Variants in DMD observed in about 807,000 individuals in gnomAD.
DMD encodes the protein dystrophin.
In DMD, 63 loss-of-function variants were observed where a neutral mutation model predicts 330.1. The ratio of observed to expected loss-of-function variants is 0.19; its 90% CI spans 0.16 to 0.24. The LOEUF (loss-of-function observed/expected upper bound fraction) is 0.24, where lower values mean the gene tolerates loss of function less well. Ranked by LOEUF, DMD falls within the 10% of genes least tolerant of loss-of-function variation. The probability of loss-of-function intolerance (pLI) is 1.00; values close to 1 mark genes in which losing one functional copy is unlikely to be tolerated. For synonymous variants in DMD, 1,223 were observed against 959.8 expected (o/e 1.27, Z -5.07); for missense variants, 3,344 against 2,684.1 (o/e 1.25, Z -5.43).
At chrX:31,353,741 G>C (rs1374081251) in intron 60 of DMD, among the ~76,000 whole-genome samples, 1 of 111,727 alleles carries the variant, frequency 9.0e-6, no homozygotes, top group Non-Finnish European at 1.9e-5. Flanking sequence ...TAGCCAGTTA[G>C]AGATGAACAA....
At chrX:33,194,912 T>C (rs961953596) in intron 1 of DMD, among the ~76,000 whole-genome samples, 1 of 111,709 alleles carries the variant, frequency 9.0e-6, no homozygotes, top group Non-Finnish European at 1.9e-5. Context: ...ATTACAAACA[T>C]TTAAGTGCAA....
At chrX:31,912,548 T>C in intron 47 of DMD, among the ~76,000 whole-genome samples, 1 of 112,187 alleles carries the variant, frequency 8.9e-6, no homozygotes, top group Admixed American at 9.4e-5. Context: ...TATTTCTTCT[T>C]GGCAAAAATG....
chrX:31,251,488 T>A (rs1249294356), intron 63 of DMD, among the ~76,000 whole-genome samples: 2 of 112,183 alleles, frequency 1.8e-5, no homozygotes, highest in African/African-American at 6.5e-5. Flanking sequence ...GATGAACGCT[T>A]TGTGGAATAG....
intron 44 of DMD, among the ~76,000 whole-genome samples, chrX:32,196,163 C>A (rs1345379927): frequency 8.9e-6 from 1 of 112,178 alleles, no homozygotes; most frequent in African/African-American, 3.3e-5. Context: ...CATTTCCAGT[C>A]CTAAACAATA....
chrX:32,979,570 G>A (rs1216132198), intron 2 of DMD, among the ~76,000 whole-genome samples: 1 of 111,418 alleles, frequency 9.0e-6, no homozygotes, highest in African/African-American at 3.3e-5. Flanking sequence ...AAAAGACCAA[G>A]ATACTGGTGA....
intron 50 of DMD, among the ~76,000 whole-genome samples, chrX:31,791,518 G>C (rs2091570093): frequency 9.0e-6 from 1 of 111,106 alleles, no homozygotes; most frequent in Non-Finnish European, 1.9e-5. Context: ...ATAGGGATGG[G>C]GGCAAAACAA....
At chrX:32,590,576 G>T (rs1033914163) in intron 13 of DMD, among the ~76,000 whole-genome samples, 7 of 111,619 alleles carry the variant, frequency 6.3e-5, no homozygotes, top group African/African-American at 2.3e-4. Context: ...CAGGGATAAA[G>T]TAGCTTGCTT....
At chrX:32,339,976 T>A (rs1185174511) in intron 41 of DMD, among the ~76,000 whole-genome samples, 1 of 112,198 alleles carries the variant, frequency 8.9e-6, no homozygotes, top group Non-Finnish European at 1.9e-5. Context: ...ATTAAGCTGT[T>A]ACTGTGACTA....
intron 52 of DMD, among the ~76,000 whole-genome samples, chrX:31,721,706 CTCTCTCTCTCTCTATATA>C (rs1437394229): frequency 0.017 from 861 of 49,204 alleles, 6 homozygotes; most frequent in Non-Finnish European, 0.021. Context: ...CTCTCTCTCT[CTCTCTCTCTCTCTATATA>C]TATATATATA....
At chrX:32,216,693 A>G (rs2097113356) in intron 44 of DMD, among the ~76,000 whole-genome samples, 1 of 111,455 alleles carries the variant, frequency 9.0e-6, no homozygotes, top group Non-Finnish European at 1.9e-5. Context: ...TTTATCAGAT[A>G]AACCAGCTCC....
chrX:31,840,123 G>GT (rs1569470462), intron 48 of DMD, among the ~76,000 whole-genome samples: 2 of 111,352 alleles, frequency 1.8e-5, no homozygotes, highest in Middle Eastern at 8.4e-3. Context: ...CCCCAATACA[G>GT]ATCATTTGTA....
At chrX:32,396,365 C>A (rs1248431176) in intron 30 of DMD, among the ~76,000 whole-genome samples, 2 of 111,255 alleles carry the variant, frequency 1.8e-5, no homozygotes, top group Non-Finnish European at 3.8e-5. Flanking sequence ...AAAAGTGAGA[C>A]TTTTATCATA....
At chrX:31,662,977 C>T (rs1194532350) in intron 53 of DMD, among the ~76,000 whole-genome samples, 1 of 111,255 alleles carries the variant, frequency 9.0e-6, no homozygotes, top group Non-Finnish European at 1.9e-5. Context: ...AGGTCGTTTG[C>T]TCTTAGATCC....
chrX:33,290,063 T>A (rs1268670983), intron 1 of DMD, among the ~76,000 whole-genome samples: 1 of 111,735 alleles, frequency 8.9e-6, no homozygotes, highest in Non-Finnish European at 1.9e-5. Flanking sequence ...ATTTCTCACC[T>A]TGGTAAATGG....
Position 31,126,716 on chromosome X carries a change from GA to G in DMD, c.11015-44del, listed in dbSNP as rs72466533. On this transcript the variant is annotated intron_variant, in intron 77 of 78. Transcript: ENST00000357033. ...GGAAGAGGCAGAGATATCAGAAAGG[GA>G]AAAAAAACATGCATAAATATACAAT... The G allele has an allele frequency of 0.017, 16,959 of 978,601 alleles. 633 individuals are homozygous for G. The highest frequency in any genetic ancestry group is 0.16 in the East Asian group (4,689 of 30,045). The allele number at this position is 978,601 out of a possible 1,213,427, so 80.6% of individuals were successfully genotyped here. A position where few individuals can be genotyped will look rare whatever the true frequency, so the allele number is the denominator to read the frequency against.
intron 54 of DMD, among the ~76,000 whole-genome samples, chrX:31,635,397 C>T (rs1468758845): frequency 1.8e-5 from 2 of 111,928 alleles, no homozygotes. Context: ...AAGATCATCT[C>T]TTACAAACCT....
rs931212179 is a variant in DMD, at chrX:32,057,070, T to C, written c.6439-88556A>G. ...AAAGCGCTTAACAAGTTTCAACACTTTCATGATAAAAACACACAACAAACT... is the reference window on the plus strand; with the variant it reads ...AAAGCGCTTAACAAGTTTCAACACTCTCATGATAAAAACACACAACAAACT... On this transcript the variant is annotated intron_variant, in intron 44 of 78. Coordinates refer to ENST00000357033, the MANE Select transcript of DMD (RefSeq NM_004006.3). 1.3e-4 allele frequency among the ~76,000 whole-genome samples: 15 copies of C among 111,122 alleles called. 1 individual carries two copies. The Admixed American group carries it at 1.4e-3, about 11-fold the overall frequency.
intron 44 of DMD, among the ~76,000 whole-genome samples, chrX:32,180,414 TTTA>T (rs1186777314): frequency 9.0e-6 from 1 of 111,451 alleles, no homozygotes; most frequent in African/African-American, 3.3e-5. Flanking sequence ...TGAGTAGGTG[TTTA>T]TTAACACACT....
intron 50 of DMD, among the ~76,000 whole-genome samples, chrX:31,810,088 T>C (rs957676480): frequency 2.7e-5 from 3 of 111,646 alleles, no homozygotes; most frequent in African/African-American, 9.8e-5. Context: ...ATACCTACCA[T>C]ATGCTAGTCA....
Sources: gnomAD v4.1 joint callset for allele counts (sites outside exome capture counted in the v4.1 genomes callset) on GRCh38, gnomAD v4.1.1 for gene constraint, MANE v1.5 for transcripts, NCBI Gene and HGNC (gene_info 2026-07-23, HGNC 2026-07-21) for gene names.